CAPN15: variants seen among roughly 807,000 people sequenced by gnomAD.
CAPN15 encodes calpain 15, also known as calpain-15.
A neutral mutation model predicts 97.9 loss-of-function variants in CAPN15; 53 were observed. The ratio of observed to expected loss-of-function variants is 0.54; its 90% confidence interval spans 0.43 to 0.68. The LOEUF (loss-of-function observed/expected upper bound fraction) is 0.68. Ranked by LOEUF, CAPN15 falls within the 30% of genes least tolerant of loss-of-function variation. CAPN15 has a pLI of 0.00. For missense variants in CAPN15, 1,592 were observed against 1,589.8 expected, an observed-to-expected ratio of 1.00 and a Z score of -0.02; for synonymous variants, 922 against 722.5, an observed-to-expected ratio of 1.28 and a Z score of -4.43.
chr16:552,205 G>A lies in CAPN15; in HGVS notation c.2500G>A (p.Gly834Ser), dbSNP rs771596996. The A allele has an allele frequency of 6.5e-7, 1 of 1,533,332 alleles. No homozygotes were observed. The highest frequency in any genetic ancestry group is 8.8e-7 in the Non-Finnish European group (1 of 1,137,596). The allele number at this position is 1,533,332 out of a possible 1,614,324, so 95.0% of individuals were successfully genotyped here. Reference sequence around the variant, plus strand: ...GCTGGAGTTCGCGCTCTTCCAGGAGGGCAGCAGGTGGGTGCTGCGGGGCCC... The same window carrying A: ...GCTGGAGTTCGCGCTCTTCCAGGAGAGCAGCAGGTGGGTGCTGCGGGGCCC... Reference protein sequence around the residue: ...ASLEFALFQEGSRRSDAVDSH... With the variant: ...ASLEFALFQESSRRSDAVDSH... Residue 834 changes from glycine to serine, a missense_variant, in exon 10 of 14, where the codon GGC becomes AGC. Around this residue, in one of 3 missense-constraint regions of CAPN15, gnomAD observed 644 missense variants for 699.6 expected, o/e 0.92. Coordinates refer to ENST00000219611, the MANE Select transcript of CAPN15 (RefSeq NM_005632.3). The surrounding 1 kb of genome is among the most constrained non-coding windows in gnomAD (Gnocchi z 6.4).
intron 3 of CAPN15, among the ~76,000 whole-genome samples, chr16:540,711 C>G (rs928855894): frequency 6.6e-6 from 1 of 152,214 alleles, no homozygotes. Context: ...CTGCTGCCCA[C>G]GGTTTCAAAG....
chr16:548,314 G>C, intron 4 of CAPN15, 27 bp downstream of exon 4: 1 of 1,444,276 alleles, frequency 6.9e-7, no homozygotes, highest in Non-Finnish European at 9.1e-7. Flanking sequence ...CCCTCTTCCT[G>C]CTCCTGAGCC....
intron 3 of CAPN15, chr16:538,929 G>A (rs1238880601): frequency 2.2e-5 from 3 of 133,888 alleles, no homozygotes; most frequent in Non-Finnish European, 4.7e-5. Flanking sequence ...GAGCTCCAAA[G>A]GATATGTTCT....
rs191509693 is a variant in CAPN15 at position 537,323 on chromosome 16, G to A, written c.-23+1181G>A. 31 of 985,524 alleles carry A rather than the reference G, an allele frequency of 3.1e-5. No individual in the cohort carries two copies. In the East Asian group the frequency reaches 3.1e-3, roughly 97 times the overall value. 61.0% of individuals were successfully genotyped at this position (985,524 alleles called of 1,614,324 possible). On this transcript the variant is annotated intron_variant, in intron 3 of 13. Coordinates refer to ENST00000219611, the MANE Select transcript of CAPN15 (RefSeq NM_005632.3). ...GGTGAGCAGCTCGCTTCCTGCCCTG[G>A]GTGCAGCTGGGCACCACTTCTGCCT...
At chr16:537,486 G>A in intron 3 of CAPN15, 2 of 973,744 alleles carry the variant, frequency 2.1e-6, no homozygotes, top group Non-Finnish European at 2.4e-6. Context: ...GGCCCTGGCA[G>A]GTGTGCAGTC....
rs2034721101 is a variant in CAPN15 at position 548,008 on chromosome 16, C to G, written c.1170C>G (p.Ser390Arg). ...HCPDCGADKP[S>R]PCGRSCGRVS... ...CCGACTGTGGGGCCGACAAGCCCAG[C>G]CCCTGCGGCAGAAGCTGCGGACGGG... The change falls in exon 4 of 14, where the codon AGC becomes AGG. Residue 390 changes from serine (S) to arginine (R), a missense_variant. Ser to Arg is a moderately radical substitution (Grantham distance 110). Around this residue, in one of 3 missense-constraint regions of CAPN15, gnomAD observed 883 missense variants for 776.6 expected, o/e 1.14. Coordinates refer to ENST00000219611, the MANE Select transcript of CAPN15 (RefSeq NM_005632.3). 1.3e-5 allele frequency: 21 copies of G among 1,577,318 alleles called. No homozygotes were observed. Among genetic ancestry groups the G allele is most frequent in the Non-Finnish European group, 1.8e-5 (21 of 1,163,672 alleles).
Position 552,464 on chromosome 16 carries a change from T to C in CAPN15, c.2671T>C (p.Tyr891His). ...CGACGTCATGCTGGAGCCTGGCGAG[T>C]ACGCTGTGGTGTGCTGCGCCTTCAA... ...SCDVMLEPGE[Y>H]AVVCCAFNHW... is the part of the protein sequence containing the mutation. The change falls in exon 11 of 14, where the codon TAC becomes CAC. Residue 891 changes from tyrosine to histidine, a missense_variant. Physicochemically the swap from Tyr to His is moderately conservative, Grantham distance 83. Coordinates refer to ENST00000219611, the MANE Select transcript of CAPN15 (RefSeq NM_005632.3). The surrounding 1 kb of genome is among the most constrained non-coding windows in gnomAD (Gnocchi z 6.4). The C allele has an allele frequency of 1.2e-6, 2 of 1,609,466 alleles. No homozygotes were observed. Among genetic ancestry groups the C allele is most frequent in the Non-Finnish European group, 1.7e-6 (2 of 1,179,636 alleles).
intron 13 of CAPN15, 38 bp downstream of exon 13, chr16:553,079 T>TGC (rs1555448462): frequency 1.1e-6 from 1 of 951,268 alleles, no homozygotes; most frequent in Non-Finnish European, 1.3e-6. Flanking sequence ...CCTGCACAGG[T>TGC]GCCCCCTCCC....
rs560651880 is a variant in CAPN15 at position 547,786 on chromosome 16, C to A, written c.948C>A (p.Thr316=). Residue 316 remains threonine (T), a synonymous_variant, in exon 4 of 14, where the codon ACC becomes ACA. Transcript: ENST00000219611. The part of the protein sequence containing the change: ...GTSRVEAGSS[T]SGSDIIDLAG... ...GCCGCGTAGAGGCCGGCAGCTCCACCTCGGGCAGTGACATCATTGACCTGG... is the reference window on the plus strand; with the variant it reads ...GCCGCGTAGAGGCCGGCAGCTCCACATCGGGCAGTGACATCATTGACCTGG... 11 of 1,611,746 alleles carry A rather than the reference C, an allele frequency of 6.8e-6. No homozygotes were observed. The Admixed American group carries it at 1.8e-4, about 27-fold the overall frequency.
At chr16:548,903 T>G in intron 4 of CAPN15, 90 bp from the exon 5 acceptor site, 2 of 1,211,966 alleles carry the variant, frequency 1.7e-6, no homozygotes, top group Non-Finnish European at 2.4e-6. Flanking sequence ...AGGCAGTGCT[T>G]TTGGGCGCTC....
chr16:546,704 C>T lies in CAPN15; in HGVS notation c.-22-113C>T, dbSNP rs1044333741. 2.4e-5 allele frequency: 33 copies of T among 1,370,150 alleles called. No homozygotes were observed. The Admixed American group carries it at 7.6e-4, about 32-fold the overall frequency. The allele number at this position is 1,370,150 out of a possible 1,614,324, so 84.9% of individuals were successfully genotyped here. ...CCTCAAATGCTCAGCCCTAGGCCCT[C>T]GGCCCCGTAGCTCTGCAGCCACAGA... On this transcript the variant is annotated intron_variant, in intron 3 of 13. Transcript: ENST00000219611.
At position 552,180 on chromosome 16, in the gene CAPN15, G is replaced by A. The variant is rs370876934; in HGVS notation, c.2475G>A (p.Ser825=). ...CGCTCACGGTGCTGGAGCGGGCCTC[G>A]CTGGAGTTCGCGCTCTTCCAGGAGG... is the stretch of plus-strand genomic sequence containing the variant. ...VTALTVLERA[S]LEFALFQEGS... is the part of the protein sequence containing the mutation. Residue 825 remains serine, a synonymous_variant, in exon 10 of 14, where the codon TCG becomes TCA. Coordinates refer to ENST00000219611, the MANE Select transcript of CAPN15 (RefSeq NM_005632.3). This position sits in a 1 kb window ranked among gnomAD's most constrained non-coding sequence, Gnocchi z 6.4. 8.4e-5 allele frequency: 129 copies of A among 1,537,748 alleles called. No homozygotes were observed. The highest frequency in any genetic ancestry group is 2.0e-4 in the Middle Eastern group (1 of 5,058).
At position 547,546 on chromosome 16, in the gene CAPN15, G is replaced by A. The variant is rs765550115; in HGVS notation, c.708G>A (p.Ser236=). Residue 236 remains serine (S), a synonymous_variant, in exon 4 of 14, where the codon TCG becomes TCA. Transcript: ENST00000219611. ...GGGTCCCGCCCTTCAGCCCCTTCTC[G>A]TCCACCCTGCAGAACAACCCCGTGC... ...PPRVPPFSPF[S]STLQNNPVPR... 1.0e-5 allele frequency: 16 copies of A among 1,597,204 alleles called. No homozygotes were observed. The highest frequency in any genetic ancestry group is 2.7e-5 in the African/African-American group (2 of 74,834).
chr16:547,518 C>T lies in CAPN15; in HGVS notation c.680C>T (p.Pro227Leu). The T allele has an allele frequency of 6.3e-7, 1 of 1,598,258 alleles. No individual in the cohort carries two copies. Among genetic ancestry groups the T allele is most frequent in the Non-Finnish European group, 8.5e-7 (1 of 1,179,162 alleles). The change falls in exon 4 of 14, where the codon CCC becomes CTC. Residue 227 changes from proline to leucine, a missense_variant. Coordinates refer to ENST00000219611, the MANE Select transcript of CAPN15 (RefSeq NM_005632.3). ...GGCCCAGCTGCCGAACCAGAGCCGC[C>T]CAGGGTCCCGCCCTTCAGCCCCTTC... is the stretch of plus-strand genomic sequence containing the variant. Reference protein sequence around the residue: ...SQGPAAEPEPPRVPPFSPFSS... With the variant: ...SQGPAAEPEPLRVPPFSPFSS...
At chr16:546,383 G>A (rs745546217) in intron 3 of CAPN15, among the ~76,000 whole-genome samples, 2 of 152,224 alleles carry the variant, frequency 1.3e-5, no homozygotes, top group African/African-American at 2.4e-5. Flanking sequence ...GCTCAGATCA[G>A]CCTGTGCCTT....
At chr16:538,325 A>G (rs1443473385) in intron 3 of CAPN15, 1 of 151,862 alleles carries the variant, frequency 6.6e-6, no homozygotes, top group Admixed American at 6.6e-5. Context: ...CCAACCATTT[A>G]AAAATGTAAA....
At chr16:551,481 T>C (rs2035075611) in intron 8 of CAPN15, 31 bp from the exon 9 acceptor site, 1 of 1,602,540 alleles carries the variant, frequency 6.2e-7, no homozygotes, top group South Asian at 1.1e-5. Flanking sequence ...TCGGGCAGTG[T>C]GGTTCAGATC....
At chr16:528,196 T>G (rs2032990554) in intron 1 of CAPN15, among the ~76,000 whole-genome samples, 167 bp downstream of exon 1, 1 of 150,344 alleles carries the variant, frequency 6.7e-6, no homozygotes, top group African/African-American at 2.5e-5. Context: ...GCCCCCGGAG[T>G]GGGGTCAGCC....
chr16:551,273 C>T lies in CAPN15; in HGVS notation c.2067-29C>T, dbSNP rs201193197. 7.0e-4 allele frequency: 1,091 copies of T among 1,552,826 alleles called. 13 individuals are homozygous for T. In the African/African-American group the frequency reaches 0.011, roughly 15 times the overall value. On this transcript the variant is annotated intron_variant, in intron 7 of 13. Transcript: ENST00000219611. ...GAGGGTCCCCTGTCGGTGAGGGTCC[C>T]GGTCGGTGAGGGCCGCTCTGCCACA...
Sources: allele counts gnomAD v4.1 joint callset (sites outside exome capture counted in the v4.1 genomes callset), GRCh38; gene constraint gnomAD v4.1.1; regional missense constraint gnomAD v4.1.1; non-coding constraint Gnocchi (gnomAD v3.1); transcripts MANE v1.5; gene names NCBI Gene and HGNC (gene_info 2026-07-23, HGNC 2026-07-21).